The following BLTP1 variants were observed in gnomAD, a reference collection of about 807,000 sequenced individuals.
BLTP1 encodes the protein fragile site-associated protein.
chr4:122,195,619 G>C, the BLTP1 span: 131,958 of 324,348 alleles, frequency 0.41, 27,211 homozygotes, highest in Middle Eastern at 0.58. Context: ...GAGGTTCAAA[G>C]CAGCCCTTCA....
the BLTP1 span, chr4:122,269,125 A>C: frequency 2.2e-6 from 2 of 920,476 alleles, no homozygotes; most frequent in African/African-American, 1.8e-5. Context: ...TTTATATTTA[A>C]ATTTGCAAGA....
chr4:122,361,790 T>C, the BLTP1 span, among the ~76,000 whole-genome samples: 22 of 152,320 alleles, frequency 1.4e-4, no homozygotes, highest in South Asian at 2.5e-3. Flanking sequence ...CAGGATGAAA[T>C]ATAGTAAACA....
At chr4:122,204,868 C>T in the BLTP1 span, 1 of 864,254 alleles carries the variant, frequency 1.2e-6, no homozygotes, top group Non-Finnish European at 1.4e-6. Flanking sequence ...TGATGAATCA[C>T]TGTGATTGTT....
At chr4:122,278,335 A>G in the BLTP1 span, among the ~76,000 whole-genome samples, 1 of 152,152 alleles carries the variant, frequency 6.6e-6, no homozygotes, top group Non-Finnish European at 1.5e-5. Context: ...CGCACCCTTT[A>G]ATTTTTTTTC....
chr4:122,166,932 G>T, the BLTP1 span, among the ~76,000 whole-genome samples: 1 of 152,062 alleles, frequency 6.6e-6, no homozygotes, highest in Admixed American at 6.6e-5. Flanking sequence ...CTTTAAGCTG[G>T]CTTCTGTGTC....
At chr4:122,153,159 G>GTTTT in the BLTP1 span, 48 of 125,676 alleles carry the variant, frequency 3.8e-4, no homozygotes, top group East Asian at 8.8e-4. Flanking sequence ...AGTTGTTGTC[G>GTTTT]TTTTTTTTTT....
chr4:122,170,786 A>G, the BLTP1 span: 1 of 1,380,852 alleles, frequency 7.2e-7, no homozygotes, highest in Non-Finnish European at 1.0e-6. Context: ...TGTTTTAAGT[A>G]TGGATTAACA....
At chr4:122,263,268 A>C in the BLTP1 span, 1 of 982,582 alleles carries the variant, frequency 1.0e-6, no homozygotes, top group Non-Finnish European at 1.2e-6. Flanking sequence ...TTATAATAAA[A>C]ATAAGCTATT....
chr4:122,249,132 G>A, the BLTP1 span: 1 of 802,368 alleles, frequency 1.2e-6, no homozygotes, highest in Non-Finnish European at 1.5e-6. Flanking sequence ...CCTAAGGCTT[G>A]GTAATTAATT....
the BLTP1 span, chr4:122,279,729 C>A: frequency 6.4e-7 from 1 of 1,560,550 alleles, no homozygotes. Flanking sequence ...TTTCTCTTTA[C>A]TTGGCTGTTG....
At chr4:122,207,341 T>G in the BLTP1 span, 1 of 1,426,472 alleles carries the variant, frequency 7.0e-7, no homozygotes, top group Non-Finnish European at 9.5e-7. Flanking sequence ...TAGTATTGAT[T>G]TGATAGTTTT....
chr4:122,285,315 A>G, the BLTP1 span, among the ~76,000 whole-genome samples: 2 of 152,208 alleles, frequency 1.3e-5, no homozygotes, highest in Non-Finnish European at 2.9e-5. Context: ...ACTGAGGCCT[A>G]GGATTATTTC....
At chr4:122,248,883 CA>C in the BLTP1 span, 1 of 164,858 alleles carries the variant, frequency 6.1e-6, no homozygotes. Context: ...GGTAAATTTA[CA>C]TGTGTTTTTA....
the BLTP1 span, chr4:122,353,876 A>G: frequency 1.2e-6 from 2 of 1,613,894 alleles, no homozygotes; most frequent in Non-Finnish European, 1.7e-6. The surrounding 1 kb of genome is among the most constrained non-coding windows in gnomAD (Gnocchi z 4.3). Context: ...TCATAATACT[A>G]TGGTTACCAA....
the BLTP1 span, chr4:122,269,354 A>G: frequency 1.1e-6 from 1 of 929,200 alleles, no homozygotes; most frequent in South Asian, 5.0e-5. Flanking sequence ...AACAGACTAG[A>G]CCTTCATTTG....
chr4:122,191,605 T>C, the BLTP1 span, among the ~76,000 whole-genome samples: 2 of 152,092 alleles, frequency 1.3e-5, no homozygotes, highest in African/African-American at 4.8e-5. Context: ...AACATAACAG[T>C]GTATGAAAAG....
chr4:122,238,120 A>G, the BLTP1 span: 112 of 1,613,944 alleles, frequency 6.9e-5, no homozygotes, highest in Non-Finnish European at 8.9e-5. Context: ...AGAGGAAAGA[A>G]TGGGAAAACA....
the BLTP1 span, chr4:122,169,750 G>A: frequency 1.0e-6 from 1 of 984,042 alleles, no homozygotes; most frequent in Non-Finnish European, 1.2e-6. Context: ...TCAGAAGTTG[G>A]GTCACAGTTC....
chr4:122,230,641 C>T, the BLTP1 span, among the ~76,000 whole-genome samples: 14 of 152,170 alleles, frequency 9.2e-5, no homozygotes. Flanking sequence ...GCAAGGAAGA[C>T]TAAGAGTACT....
Sources: allele counts gnomAD v4.1 joint callset (sites outside exome capture counted in the v4.1 genomes callset), GRCh38; gene constraint gnomAD v4.1.1; non-coding constraint Gnocchi (gnomAD v3.1); transcripts MANE v1.5; gene names NCBI Gene and HGNC (gene_info 2026-07-23, HGNC 2026-07-21).